KLF17: variants seen among roughly 807,000 people sequenced by gnomAD.
KLF17 encodes Krueppel-like factor 17.
KLF17 carries 31 observed loss-of-function variants against 34.2 expected under a neutral mutation model. That is an observed-to-expected ratio of 0.91 (90% CI 0.68 to 1.22). KLF17 has a LOEUF of 1.22. Ranked by LOEUF, KLF17 falls within the 50% of genes most tolerant of loss-of-function variation. KLF17 has a pLI of 0.00. For missense variants in KLF17, 478 were observed against 505.2 expected (o/e 0.95, Z 0.52); for synonymous variants, 179 against 186.7 (o/e 0.96, Z 0.34).
the KLF17 span, among the ~76,000 whole-genome samples, chr1:44,081,432 C>G: frequency 3.4e-5 from 4 of 118,680 alleles, no homozygotes; most frequent in South Asian, 1.2e-3. Flanking sequence ...TTTTTTTTTT[C>G]TTTTGAGACA....
chr1:44,106,158 CCAT>C, the KLF17 span, among the ~76,000 whole-genome samples: 1 of 152,138 alleles, frequency 6.6e-6, no homozygotes, highest in Non-Finnish European at 1.5e-5. Flanking sequence ...CACTCTCCTT[CCAT>C]CACCACTCCT....
the KLF17 span, chr1:44,048,169 A>G: frequency 6.6e-6 from 1 of 152,240 alleles, no homozygotes; most frequent in Admixed American, 6.5e-5. Flanking sequence ...AGATGAAAAA[A>G]TGTGAGAAAA....
chr1:44,117,144 T>A (rs1394839995), upstream of KLF17: 10 of 151,788 alleles, frequency 6.6e-5, no homozygotes, highest in Non-Finnish European at 2.9e-5. Context: ...GCACTGGCCA[T>A]TCACAGGTGT....
intron 1 of KLF17, chr1:44,122,629 C>T (rs563790657): frequency 4.7e-6 from 3 of 639,888 alleles, no homozygotes; most frequent in South Asian, 3.5e-5. Flanking sequence ...GAGTCTCACT[C>T]TCTCCCCCAG....
At chr1:44,122,591 G>T (rs2087961049) in intron 1 of KLF17, 3 of 721,714 alleles carry the variant, frequency 4.2e-6, no homozygotes, top group Non-Finnish European at 7.6e-6. Flanking sequence ...CAGTATGAAT[G>T]GCCGTTTTTG....
At chr1:44,108,646 C>T in the KLF17 span, among the ~76,000 whole-genome samples, 2 of 124,470 alleles carry the variant, frequency 1.6e-5, no homozygotes, top group Non-Finnish European at 3.4e-5. Context: ...GACAGAGAAT[C>T]TCGTTTGTTA....
chr1:44,092,578 T>G, the KLF17 span, among the ~76,000 whole-genome samples: 1 of 151,338 alleles, frequency 6.6e-6, no homozygotes, highest in Admixed American at 6.6e-5. Flanking sequence ...CACACCAAAC[T>G]CAATGAATTG....
chr1:44,128,208 A>G (rs1306352324), intron 1 of KLF17, among the ~76,000 whole-genome samples: 1 of 151,854 alleles, frequency 6.6e-6, no homozygotes, highest in Admixed American at 6.6e-5. Context: ...CAGCCTCCCA[A>G]GTAGCTGGGA....
chr1:44,090,917 C>T, the KLF17 span, among the ~76,000 whole-genome samples: 1 of 149,728 alleles, frequency 6.7e-6, no homozygotes, highest in Admixed American at 6.6e-5. Context: ...TCCCACCACA[C>T]ACACACACAT....
the KLF17 span, among the ~76,000 whole-genome samples, chr1:44,086,727 A>G: frequency 6.6e-6 from 1 of 152,184 alleles, no homozygotes; most frequent in South Asian, 2.1e-4. Context: ...CCCAGAGAGA[A>G]GGCAGAGGAT....
the KLF17 span, among the ~76,000 whole-genome samples, chr1:44,060,398 G>C: frequency 6.6e-6 from 1 of 152,124 alleles, no homozygotes; most frequent in Non-Finnish European, 1.5e-5. Context: ...AACCTGGGAG[G>C]CAGAGGTTGC....
At chr1:44,117,131 A>C (rs1571980997), upstream of KLF17, 1 of 151,966 alleles carries the variant, frequency 6.6e-6, no homozygotes, top group South Asian at 2.1e-4. Flanking sequence ...CCAAGGTTGG[A>C]GTGCACTGGC....
chr1:44,130,331 A>C, intron 2 of KLF17, 135 bp downstream of exon 2: 28 of 1,363,154 alleles, frequency 2.1e-5, no homozygotes, highest in Non-Finnish European at 2.8e-5. Flanking sequence ...TGGCCCCCCG[A>C]CTTGCCATAC....
chr1:44,088,278 C>T, the KLF17 span: 1 of 152,212 alleles, frequency 6.6e-6, no homozygotes, highest in African/African-American at 2.4e-5. Context: ...CTATGCCTGG[C>T]TAATTTTTGT....
the KLF17 span, chr1:44,104,365 C>G: frequency 9.8e-6 from 11 of 1,127,504 alleles, no homozygotes; most frequent in Non-Finnish European, 1.4e-5. Context: ...AACATGTTGT[C>G]CGTGTTGCTC....
the KLF17 span, among the ~76,000 whole-genome samples, chr1:44,068,364 C>T: frequency 2.6e-5 from 4 of 152,162 alleles, no homozygotes. Flanking sequence ...GAGCACTTCA[C>T]CTTGAGGCCC....
Position 44,129,456 on chromosome 1 carries a change from C to T in KLF17, c.185C>T (p.Pro62Leu). The T allele has an allele frequency of 6.2e-7, 1 of 1,606,044 alleles. No homozygotes were observed. The highest frequency in any genetic ancestry group is 8.5e-7 in the Non-Finnish European group (1 of 1,175,508). ...GGCCTACCAAGCATTCAGCACTTTC[C>T]TCACAGCGCAGAGATGCTGGGGTCC... ...NQGLPSIQHF[P>L]HSAEMLGSPL... Residue 62 changes from proline (P) to leucine (L), a missense_variant, in exon 2 of 4, where the codon CCT (proline) becomes CTT (leucine). Coordinates refer to ENST00000372299, the MANE Select transcript of KLF17 (RefSeq NM_173484.4).
chr1:44,096,412 TTTTTGAGAGGGAGTCTCGC>T, the KLF17 span, among the ~76,000 whole-genome samples: 3 of 150,750 alleles, frequency 2.0e-5, no homozygotes, highest in African/African-American at 7.3e-5. Context: ...TTCTTTTTTT[TTTTTGAGAGGGAGTCTCGC>T]TCTGTCGCCC....
At position 44,119,021 on chromosome 1, in the gene KLF17, C is replaced by T. The variant is rs962526840; in HGVS notation, c.81+33C>T. 3 of 1,561,922 alleles carry T rather than the reference C, an allele frequency of 1.9e-6. No homozygotes were observed. In the Admixed American group the frequency reaches 5.5e-5, roughly 28 times the overall value. ...AGGTGCCAGCCCCTGGCAGGCCGGG[C>T]GGGCCCAGGCTAGGGGGCGGCGGGG... On this transcript the variant is annotated intron_variant, in intron 1 of 3. Transcript: ENST00000372299.
Sources: gnomAD v4.1 joint callset for allele counts (sites outside exome capture counted in the v4.1 genomes callset) on GRCh38, gnomAD v4.1.1 for gene constraint, MANE v1.5 for transcripts, NCBI Gene and HGNC (gene_info 2026-07-23, HGNC 2026-07-21) for gene names.